ADGRL3: variants seen among roughly 807,000 people sequenced by gnomAD.
The protein encoded by ADGRL3 is adhesion G protein-coupled receptor L3.
A neutral mutation model predicts 153.5 loss-of-function variants in ADGRL3; 62 were observed. The observed-to-expected ratio is 0.40, with a 90% CI of 0.33 to 0.50. The LOEUF (loss-of-function observed/expected upper bound fraction) is 0.50. ADGRL3 is among the 20% of genes least tolerant of loss of function. ADGRL3 has a pLI of 0.47. For missense variants in ADGRL3, 1,641 were observed against 1,859.4 expected (o/e 0.88, Z 2.16); for synonymous variants, 710 against 672.5 (o/e 1.06, Z -0.86).
intron 2 of ADGRL3, among the ~76,000 whole-genome samples, chr4:61,445,004 A>T (rs1299812290): frequency 6.6e-6 from 1 of 151,986 alleles, no homozygotes; most frequent in East Asian, 1.9e-4. Flanking sequence ...GTGAACAATG[A>T]TCATGTCACT....
At chr4:61,549,702 G>C (rs182668311) in intron 4 of ADGRL3, among the ~76,000 whole-genome samples, 108 of 151,974 alleles carry the variant, frequency 7.1e-4, no homozygotes, top group African/African-American at 2.5e-3. Flanking sequence ...TCAGGTCCCA[G>C]TATTGCCTGG....
chr4:61,642,870 A>G (rs1485729483), intron 5 of ADGRL3, among the ~76,000 whole-genome samples: 6 of 152,092 alleles, frequency 3.9e-5, no homozygotes, highest in Admixed American at 6.5e-5. Flanking sequence ...TCTGTAAATT[A>G]CCTTAGGCAG....
chr4:61,306,805 G>A (rs1451504131), intron 1 of ADGRL3, among the ~76,000 whole-genome samples: 1 of 152,132 alleles, frequency 6.6e-6, no homozygotes, highest in Non-Finnish European at 1.5e-5. Flanking sequence ...AAAGTTATCT[G>A]TTGCCCTATT....
At chr4:61,308,289 TC>T (rs1248240024) in intron 1 of ADGRL3, among the ~76,000 whole-genome samples, 3 of 152,084 alleles carry the variant, frequency 2.0e-5, no homozygotes, top group Non-Finnish European at 4.4e-5. Context: ...GGGAAAAGTC[TC>T]CCACCCTAAC....
intron 12 of ADGRL3, 97 bp from the exon 13 acceptor site, chr4:61,912,622 G>A: frequency 1.9e-6 from 2 of 1,065,756 alleles, no homozygotes; most frequent in Non-Finnish European, 2.8e-6. Context: ...AAAATAAGGT[G>A]TTTTGTGTAG....
chr4:61,649,098 T>G (rs79432268), intron 5 of ADGRL3, among the ~76,000 whole-genome samples: 2,405 of 152,102 alleles, frequency 0.016, 70 homozygotes, highest in African/African-American at 0.055. Context: ...AATAAGATCT[T>G]TATCTACTGA....
At chr4:62,020,984 A>T (rs2099235289) in intron 21 of ADGRL3, among the ~76,000 whole-genome samples, 1 of 152,128 alleles carries the variant, frequency 6.6e-6, no homozygotes, top group South Asian at 2.1e-4. Flanking sequence ...TACTTTATAT[A>T]AACTGAGGCC....
chr4:62,048,768 G>C (rs1732557965), intron 25 of ADGRL3, among the ~76,000 whole-genome samples: 1 of 151,308 alleles, frequency 6.6e-6, no homozygotes, highest in Non-Finnish European at 1.5e-5. Context: ...GCCCAGGCTG[G>C]TCTTGAAGTC....
chr4:62,061,198 A>AT (rs981751293), intron 25 of ADGRL3, among the ~76,000 whole-genome samples: 164 of 151,590 alleles, frequency 1.1e-3, no homozygotes, highest in African/African-American at 3.7e-3. Context: ...TAGGAGTGGC[A>AT]TTTTTTTTGT....
intron 3 of ADGRL3, among the ~76,000 whole-genome samples, chr4:61,505,656 T>A (rs992863643): frequency 6.6e-6 from 1 of 152,056 alleles, no homozygotes; most frequent in Non-Finnish European, 1.5e-5. Context: ...ATTATAAATA[T>A]TGAGTCTTTC....
Position 61,528,332 on chromosome 4 carries a change from C to T in ADGRL3, c.259+10814C>T, listed in dbSNP as rs957485888. On this transcript the variant is annotated intron_variant, in intron 4 of 26. Transcript: ENST00000683033. Reference sequence around the variant, plus strand: ...GTCACTTCCTCTGGGAAGTCTTTCTCAGTCTCTGGAGGTTGGAATATGACA... The same window carrying T: ...GTCACTTCCTCTGGGAAGTCTTTCTTAGTCTCTGGAGGTTGGAATATGACA... Among the ~76,000 whole-genome samples, 161 of 152,032 alleles carry T rather than the reference C, an allele frequency of 1.1e-3. 2 individuals are homozygous for T. The highest frequency in any genetic ancestry group is 3.1e-4 in the Non-Finnish European group (21 of 68,000).
intron 5 of ADGRL3, among the ~76,000 whole-genome samples, chr4:61,601,949 CG>C (rs937142516): frequency 6.6e-6 from 1 of 151,924 alleles, no homozygotes; most frequent in Non-Finnish European, 1.5e-5. Flanking sequence ...CTGCCTTCTG[CG>C]TGATTGTGAA....
At chr4:61,987,433 C>T (rs942215062) in intron 19 of ADGRL3, among the ~76,000 whole-genome samples, 1 of 152,020 alleles carries the variant, frequency 6.6e-6, no homozygotes, top group Non-Finnish European at 1.5e-5. Context: ...CCTTGTCCTG[C>T]CAAAGTGCTG....
intron 4 of ADGRL3, among the ~76,000 whole-genome samples, chr4:61,519,042 G>A (rs915925551): frequency 4.6e-5 from 7 of 151,778 alleles, no homozygotes; most frequent in African/African-American, 1.7e-4. Context: ...TACATTCATC[G>A]GACTTTCTAG....
At chr4:61,317,720 T>C (rs552575234) in intron 1 of ADGRL3, among the ~76,000 whole-genome samples, 27 of 152,292 alleles carry the variant, frequency 1.8e-4, no homozygotes, top group Admixed American at 1.4e-3. Flanking sequence ...CTGAAGATTG[T>C]AGCTTCTATC....
intron 1 of ADGRL3, among the ~76,000 whole-genome samples, chr4:61,351,547 A>G (rs1342843659): frequency 1.3e-5 from 2 of 152,198 alleles, no homozygotes; most frequent in Admixed American, 6.5e-5. Flanking sequence ...GGACAAGCTG[A>G]CTTTCTCATT....
chr4:62,022,660 A>G (rs954986550), intron 21 of ADGRL3, among the ~76,000 whole-genome samples: 5 of 152,020 alleles, frequency 3.3e-5, no homozygotes, highest in South Asian at 4.2e-4. Context: ...CATTCTGAAA[A>G]TCCCTAAGAA....
At chr4:62,068,350 C>T (rs1026721610) in intron 26 of ADGRL3, 167 bp downstream of exon 26, 16 of 429,742 alleles carry the variant, frequency 3.7e-5, no homozygotes, top group African/African-American at 1.0e-4. Context: ...AGAGATTAGA[C>T]GCTTTTGTTG....
intron 1 of ADGRL3, among the ~76,000 whole-genome samples, chr4:61,212,726 A>G (rs903643864): frequency 2.0e-5 from 3 of 152,212 alleles, no homozygotes; most frequent in African/African-American, 7.2e-5. Flanking sequence ...ATAATTTGGA[A>G]GAATTTTTAA....
Sources: allele counts gnomAD v4.1 joint callset (sites outside exome capture counted in the v4.1 genomes callset), GRCh38; gene constraint gnomAD v4.1.1; transcripts MANE v1.5; gene names NCBI Gene and HGNC (gene_info 2026-07-23, HGNC 2026-07-21).